Variants in CNTNAP5 observed in about 807,000 individuals in gnomAD.
The protein encoded by CNTNAP5 is contactin-associated protein-like 5.
Under a neutral mutation model 150.2 loss-of-function variants are expected in CNTNAP5, and 72 were observed. The observed-to-expected ratio is 0.48, with a 90% CI of 0.40 to 0.58. The LOEUF (loss-of-function observed/expected upper bound fraction) is 0.58, where lower values mean the gene tolerates loss of function less well. Ranked by LOEUF, CNTNAP5 falls within the 20% of genes least tolerant of loss-of-function variation. CNTNAP5 has a pLI of 0.00. For missense variants in CNTNAP5, 1,636 were observed against 1,626.2 expected, an observed-to-expected ratio of 1.01 and a Z score of -0.10; for synonymous variants, 672 against 619.8, an observed-to-expected ratio of 1.08 and a Z score of -1.25.
chr2:124,811,189 T>C (rs1682210196), intron 19 of CNTNAP5, among the ~76,000 whole-genome samples: 2 of 152,162 alleles, frequency 1.3e-5, no homozygotes, highest in South Asian at 2.1e-4. Flanking sequence ...AGACAGCTCC[T>C]TATTTACAAA....
At chr2:124,885,782 A>G (rs1678068489) in intron 21 of CNTNAP5, among the ~76,000 whole-genome samples, 1 of 152,086 alleles carries the variant, frequency 6.6e-6, no homozygotes, top group Admixed American at 6.6e-5. Context: ...ATATTGCAGC[A>G]TGTAACAGTA....
intron 6 of CNTNAP5, among the ~76,000 whole-genome samples, chr2:124,461,293 A>T (rs1693243908): frequency 6.6e-6 from 1 of 152,064 alleles, no homozygotes; most frequent in African/African-American, 2.4e-5. Flanking sequence ...TCCAACAATG[A>T]TAGACTGGAT....
At chr2:124,142,317 C>T (rs1230307322) in intron 1 of CNTNAP5, among the ~76,000 whole-genome samples, 2 of 141,800 alleles carry the variant, frequency 1.4e-5, no homozygotes, top group Non-Finnish European at 3.1e-5. Flanking sequence ...AACTCTCCAC[C>T]CCAAATCAAC....
chr2:124,132,861 C>T (rs1372644128), intron 1 of CNTNAP5, among the ~76,000 whole-genome samples: 1 of 152,138 alleles, frequency 6.6e-6, no homozygotes, highest in South Asian at 2.1e-4. Context: ...CATTTCTCAG[C>T]TTACCAACTG....
chr2:124,362,075 G>A (rs534325148), intron 3 of CNTNAP5, among the ~76,000 whole-genome samples: 1 of 152,180 alleles, frequency 6.6e-6, no homozygotes, highest in African/African-American at 2.4e-5. Context: ...CGATTTTCCC[G>A]GTGCTGTCCG....
At chr2:124,408,296 G>A (rs1313750940) in intron 3 of CNTNAP5, among the ~76,000 whole-genome samples, 1 of 151,926 alleles carries the variant, frequency 6.6e-6, no homozygotes, top group Non-Finnish European at 1.5e-5. Context: ...AGGCCGCAGC[G>A]AGGCTGGGGG....
chr2:124,917,203 T>A lies in CNTNAP5; in HGVS notation c.*2915T>A, dbSNP rs1678787516. Among the ~76,000 whole-genome samples, 1 of 151,984 alleles carries A rather than the reference T, an allele frequency of 6.6e-6. No individual in the cohort carries two copies. The highest frequency in any genetic ancestry group is 2.1e-4 in the South Asian group (1 of 4,822). On this transcript the variant is annotated 3_prime_UTR_variant, in exon 24 of 24. Transcript: ENST00000682447. ...GCCACCATGATCTCTTCCACTTAAA[T>A]CCTCAGCCTTCAATAACTGCTGTTT...
intron 3 of CNTNAP5, among the ~76,000 whole-genome samples, chr2:124,325,794 A>G (rs1228221947): frequency 2.6e-5 from 4 of 152,186 alleles, no homozygotes; most frequent in Non-Finnish European, 5.9e-5. Context: ...GATAAATAGG[A>G]ATCTGTTTGC....
chr2:124,447,803 T>A (rs1055444698), intron 6 of CNTNAP5, among the ~76,000 whole-genome samples: 1 of 152,104 alleles, frequency 6.6e-6, no homozygotes, highest in Non-Finnish European at 1.5e-5. Flanking sequence ...GTTAGAAGAC[T>A]GGGGAGGCAA....
At chr2:124,818,651 C>A (rs1682420231) in intron 19 of CNTNAP5, among the ~76,000 whole-genome samples, 1 of 152,150 alleles carries the variant, frequency 6.6e-6, no homozygotes, top group African/African-American at 2.4e-5. Flanking sequence ...CCATCTCCTC[C>A]CCCACTTTCC....
chr2:124,767,085 A>G (rs536381058), intron 16 of CNTNAP5, among the ~76,000 whole-genome samples: 2 of 152,324 alleles, frequency 1.3e-5, no homozygotes, highest in South Asian at 4.1e-4. Flanking sequence ...GGCAGATGGA[A>G]TTTTTACCCT....
chr2:124,448,566 A>G (rs930552618), intron 6 of CNTNAP5, among the ~76,000 whole-genome samples: 2 of 152,176 alleles, frequency 1.3e-5, no homozygotes, highest in African/African-American at 2.4e-5. Context: ...GACATACATT[A>G]CAAATCAGGG....
intron 3 of CNTNAP5, among the ~76,000 whole-genome samples, chr2:124,248,822 T>C (rs964554696): frequency 1.3e-5 from 2 of 152,186 alleles, no homozygotes; most frequent in African/African-American, 4.8e-5. Context: ...GGAGACCAGA[T>C]GTTTGCAGTC....
chr2:124,201,885 G>T (rs2104710683), intron 1 of CNTNAP5, among the ~76,000 whole-genome samples: 1 of 152,238 alleles, frequency 6.6e-6, no homozygotes, highest in Non-Finnish European at 1.5e-5. Context: ...GTTCATCTTA[G>T]TATCAACATT....
intron 19 of CNTNAP5, among the ~76,000 whole-genome samples, chr2:124,850,960 A>G (rs1683141315): frequency 6.6e-6 from 1 of 152,230 alleles, no homozygotes; most frequent in Admixed American, 6.5e-5. Flanking sequence ...TCTGACTGGA[A>G]TAAGTTTCAA....
At chr2:124,487,116 T>A (rs1300990936) in intron 7 of CNTNAP5, among the ~76,000 whole-genome samples, 1 of 152,166 alleles carries the variant, frequency 6.6e-6, no homozygotes, top group Non-Finnish European at 1.5e-5. Flanking sequence ...GTATCCCCCA[T>A]GGTGGCTAGT....
At chr2:124,716,947 A>C (rs937238752) in intron 13 of CNTNAP5, among the ~76,000 whole-genome samples, 5 of 152,144 alleles carry the variant, frequency 3.3e-5, no homozygotes, top group Admixed American at 6.6e-5. Context: ...TTCTTTGCCT[A>C]ATTTCTTCCC....
chr2:124,767,296 A>G (rs1228299987), intron 16 of CNTNAP5, among the ~76,000 whole-genome samples: 1 of 152,134 alleles, frequency 6.6e-6, no homozygotes, highest in East Asian at 1.9e-4. Context: ...TTTTCAGTCC[A>G]TTTCCTTCCA....
intron 3 of CNTNAP5, among the ~76,000 whole-genome samples, chr2:124,398,475 TTTTACTTTATTTA>T (rs1691316129): frequency 6.9e-6 from 1 of 145,078 alleles, no homozygotes; most frequent in Non-Finnish European, 1.5e-5. Context: ...ATTAAGAAAT[TTTTACTTTATTTA>T]TTTATTTATT....
Sources: allele counts gnomAD v4.1 joint callset (sites outside exome capture counted in the v4.1 genomes callset), GRCh38; gene constraint gnomAD v4.1.1; transcripts MANE v1.5; gene names NCBI Gene and HGNC (gene_info 2026-07-23, HGNC 2026-07-21).